Variants in GNG2 observed in about 807,000 individuals in gnomAD.
GNG2 encodes G protein subunit gamma 2.
GNG2 carries 5 observed loss-of-function variants against 5.5 expected under a neutral mutation model. That is an observed-to-expected ratio of 0.91 (90% CI 0.48 to 1.92). The LOEUF (loss-of-function observed/expected upper bound fraction) is 1.92. Ranked by LOEUF, GNG2 falls within the 30% of genes most tolerant of loss-of-function variation. The pLI is 0.01. For missense variants in GNG2, 55 were observed against 88.4 expected, an observed-to-expected ratio of 0.62 and a Z score of 1.52; for synonymous variants, 28 against 32.0, an observed-to-expected ratio of 0.88 and a Z score of 0.42.
chr14:51,925,660 G>A (rs1240614103), intron 2 of GNG2, among the ~76,000 whole-genome samples: 2 of 152,102 alleles, frequency 1.3e-5, no homozygotes, highest in Non-Finnish European at 2.9e-5. Context: ...CACCCAGGCT[G>A]GAGTGCAGTG....
intron 2 of GNG2, among the ~76,000 whole-genome samples, chr14:51,840,872 A>G (rs1007362870): frequency 1.3e-5 from 2 of 152,186 alleles, no homozygotes; most frequent in Non-Finnish European, 2.9e-5. Flanking sequence ...CTCCTACCTT[A>G]CAATATCCTG....
At chr14:51,888,300 C>T (rs1419409763) in intron 2 of GNG2, among the ~76,000 whole-genome samples, 1 of 151,470 alleles carries the variant, frequency 6.6e-6, no homozygotes, top group Non-Finnish European at 1.5e-5. Flanking sequence ...ACTCAATTAT[C>T]GTTTTGTTTG....
At chr14:51,872,310 TTGTGTG>T (rs35147124) in intron 1 of GNG2, among the ~76,000 whole-genome samples, 4 of 149,874 alleles carry the variant, frequency 2.7e-5, no homozygotes, top group South Asian at 2.1e-4. Context: ...AATGACTATT[TTGTGTG>T]TGTGTGTGTG....
intron 3 of GNG2, among the ~76,000 whole-genome samples, chr14:51,959,117 C>T (rs1401161796): frequency 6.6e-6 from 1 of 152,152 alleles, no homozygotes; most frequent in East Asian, 1.9e-4. Flanking sequence ...GTCTTAGGCT[C>T]TCCAACTTAT....
chr14:51,917,185 C>T, intron 2 of GNG2: 1 of 366,232 alleles, frequency 2.7e-6, no homozygotes, highest in Non-Finnish European at 5.4e-6. Flanking sequence ...AAAATGATAT[C>T]TCATTTCTGA....
chr14:51,833,364 T>C (rs1420224058), intron 2 of GNG2, among the ~76,000 whole-genome samples: 2 of 152,226 alleles, frequency 1.3e-5, no homozygotes, highest in Non-Finnish European at 2.9e-5. Context: ...TCTTTGTTCA[T>C]GAATTTCTTC....
chr14:51,858,681 A>G (rs1271842807), upstream of GNG2, among the ~76,000 whole-genome samples: 3 of 152,296 alleles, frequency 2.0e-5, no homozygotes, highest in East Asian at 5.8e-4. Context: ...TAGACTTGGC[A>G]TCATGCATAT....
At chr14:51,920,674 C>T (rs1594917469) in intron 2 of GNG2, among the ~76,000 whole-genome samples, 1 of 152,240 alleles carries the variant, frequency 6.6e-6, no homozygotes, top group East Asian at 1.9e-4. Context: ...AGATTTTGAG[C>T]TCTTAGAATA....
intron 2 of GNG2, among the ~76,000 whole-genome samples, chr14:51,947,059 A>C (rs1257981070): frequency 6.6e-6 from 1 of 152,172 alleles, no homozygotes; most frequent in African/African-American, 2.4e-5. Context: ...AACAAAGCCT[A>C]GGTTTACTTT....
chr14:51,828,307 A>G (rs1360667003), intron 2 of GNG2, among the ~76,000 whole-genome samples: 2 of 152,174 alleles, frequency 1.3e-5, no homozygotes, highest in African/African-American at 4.8e-5. Flanking sequence ...AAGTTTTCCT[A>G]CTTGCCTGAG....
Position 51,939,342 on chromosome 14 carries a change from G to GGACTCTGTTTTTTGTC in GNG2, c.-29-11307_-29-11292dup, listed in dbSNP as rs1284437399. On this transcript the variant is annotated intron_variant, in intron 2 of 3. Coordinates refer to ENST00000556766, the MANE Select transcript of GNG2 (RefSeq NM_053064.5). Reference sequence around the variant, plus strand: ...CCATGACTTTGAAGTCATTTTTCGAGGACTCTGTTTTTTGTCAGGGTTGTT... The same window carrying GGACTCTGTTTTTTGTC: ...CCATGACTTTGAAGTCATTTTTCGAGGACTCTGTTTTTTGTCGACTCTGTTTTTTGTCAGGGTTGTT... 1.1e-4 allele frequency among the ~76,000 whole-genome samples: 17 copies of GGACTCTGTTTTTTGTC among 152,212 alleles called. No homozygotes were observed. In the South Asian group the frequency reaches 3.3e-3, roughly 30 times the overall value.
At chr14:51,848,928 G>T (rs1297516597) in intron 2 of GNG2, among the ~76,000 whole-genome samples, 1 of 152,216 alleles carries the variant, frequency 6.6e-6, no homozygotes, top group South Asian at 2.1e-4. Context: ...GATCGAGGGA[G>T]TTGGAGTAAT....
chr14:51,927,178 C>T (rs1887381382), intron 2 of GNG2, among the ~76,000 whole-genome samples: 1 of 6,550 alleles, frequency 1.5e-4, no homozygotes, highest in African/African-American at 5.6e-4. Flanking sequence ...TTGAGGTCTC[C>T]TGTTATTTAC....
intron 2 of GNG2, among the ~76,000 whole-genome samples, chr14:51,897,934 G>A (rs1159003811): frequency 6.6e-6 from 1 of 152,206 alleles, no homozygotes; most frequent in Non-Finnish European, 1.5e-5. Context: ...TGGGAGGCCT[G>A]CTAGTATGAA....
intron 2 of GNG2, among the ~76,000 whole-genome samples, chr14:51,828,537 A>G (rs186341746): frequency 6.6e-6 from 1 of 152,292 alleles, no homozygotes; most frequent in African/African-American, 2.4e-5. Flanking sequence ...CAAAAGCAGA[A>G]GAAAACATGT....
At chr14:51,853,023 C>T (rs546233385) in intron 2 of GNG2, among the ~76,000 whole-genome samples, 60 of 152,292 alleles carry the variant, frequency 3.9e-4, no homozygotes, top group African/African-American at 1.3e-3. Context: ...CTTGCTACAT[C>T]CTCTTCTCAT....
At chr14:51,842,167 G>A (rs1160622304) in intron 2 of GNG2, among the ~76,000 whole-genome samples, 4 of 152,166 alleles carry the variant, frequency 2.6e-5, no homozygotes, top group Non-Finnish European at 5.9e-5. Flanking sequence ...AACACTAAAA[G>A]CTTATTCAGA....
chr14:51,893,419 C>T (rs968222899), intron 2 of GNG2, among the ~76,000 whole-genome samples: 4 of 152,014 alleles, frequency 2.6e-5, no homozygotes, highest in Non-Finnish European at 5.9e-5. Flanking sequence ...ATCCTTTGCC[C>T]ATGTTTTTAT....
chr14:51,906,323 C>A (rs1885914393), intron 2 of GNG2, among the ~76,000 whole-genome samples: 1 of 152,202 alleles, frequency 6.6e-6, no homozygotes, highest in Admixed American at 6.5e-5. Context: ...ACCATACTTA[C>A]TGATATATAA....
Sources: allele counts gnomAD v4.1 joint callset (sites outside exome capture counted in the v4.1 genomes callset), GRCh38; gene constraint gnomAD v4.1.1; transcripts MANE v1.5; gene names NCBI Gene and HGNC (gene_info 2026-07-23, HGNC 2026-07-21).